TCF7L2: variants seen among roughly 807,000 people sequenced by gnomAD.
TCF7L2 encodes the protein transcription factor 7-like 2.
Under a neutral mutation model 77.9 loss-of-function variants are expected in TCF7L2, and 23 were observed. That is an observed-to-expected ratio of 0.30 (90% confidence interval 0.21 to 0.42). The LOEUF is 0.42. Among genes scored for constraint, TCF7L2 ranks in the 10% least tolerant of loss-of-function variants. TCF7L2 has a pLI of 1.00. For synonymous variants in TCF7L2, 413 were observed against 340.2 expected, an observed-to-expected ratio of 1.21 and a Z score of -2.36; for missense variants, 654 against 793.1, an observed-to-expected ratio of 0.82 and a Z score of 2.11.
chr10:113,153,385 A>G (rs1015258104), intron 11 of TCF7L2, among the ~76,000 whole-genome samples: 2 of 152,222 alleles, frequency 1.3e-5, no homozygotes, highest in African/African-American at 4.8e-5. Context: ...TTAGGGGAAC[A>G]CCAAAACTTG....
At chr10:113,118,961 C>A (rs908514681) in intron 5 of TCF7L2, among the ~76,000 whole-genome samples, 1 of 151,986 alleles carries the variant, frequency 6.6e-6, no homozygotes, top group Non-Finnish European at 1.5e-5. Flanking sequence ...ATAGATTTAC[C>A]CTTGGCTTCA....
In TCF7L2 at chr10:113,057,068, C is replaced by T. The variant is rs537009321; in HGVS notation, c.552+16942C>T. 6.6e-5 allele frequency among the ~76,000 whole-genome samples: 10 copies of T among 152,306 alleles called. No individual in the cohort carries two copies. In the South Asian group the frequency reaches 2.1e-3, roughly 32 times the overall value. On this transcript the variant is annotated intron_variant, in intron 5 of 13. Coordinates refer to ENST00000627217, the MANE Select transcript of TCF7L2 (RefSeq NM_001146274.2). Reference sequence around the variant, plus strand: ...TTTATTTGTTCTTATCCCTTTATGTCACTTGAGGAAAGTTGCTGTGAGTAG... The same window carrying T: ...TTTATTTGTTCTTATCCCTTTATGTTACTTGAGGAAAGTTGCTGTGAGTAG...
rs2047319459 is a variant in TCF7L2, at chr10:113,016,210, A to G, written c.451-23815A>G. ...CTCCTGAGTAGCTGGGATTACAGGC[A>G]CGTGCTACCATGCTTGGCTAGTTTT... On this transcript the variant is annotated intron_variant, in intron 4 of 13. Transcript: ENST00000627217. 2.0e-5 allele frequency among the ~76,000 whole-genome samples: 3 copies of G among 152,076 alleles called. No individual in the cohort carries two copies. In the South Asian group the frequency reaches 6.3e-4, roughly 32 times the overall value.
intron 5 of TCF7L2, among the ~76,000 whole-genome samples, chr10:113,084,790 C>T (rs1313663394): frequency 6.6e-6 from 1 of 151,636 alleles, no homozygotes; most frequent in Non-Finnish European, 1.5e-5. Flanking sequence ...CCCAGCTACT[C>T]GGGAGGCTGT....
intron 8 of TCF7L2, among the ~76,000 whole-genome samples, chr10:113,150,113 A>G (rs1192820972): frequency 6.6e-6 from 1 of 152,240 alleles, no homozygotes; most frequent in Non-Finnish European, 1.5e-5. Context: ...TGTGCCTTAG[A>G]GAACTGTCCA....
At chr10:112,970,841 T>G (rs1486560482) in intron 4 of TCF7L2, among the ~76,000 whole-genome samples, 1 of 152,208 alleles carries the variant, frequency 6.6e-6, no homozygotes, top group African/African-American at 2.4e-5. Flanking sequence ...GGAAACAGGT[T>G]CAGCCCTTGG....
At chr10:113,063,623 TTCTGTTA>T (rs913086194) in intron 5 of TCF7L2, among the ~76,000 whole-genome samples, 4 of 152,048 alleles carry the variant, frequency 2.6e-5, no homozygotes, top group Non-Finnish European at 5.9e-5. Flanking sequence ...ATTAATCTGA[TTCTGTTA>T]TCTGAGGCTG....
At position 112,965,647 on chromosome 10, in the gene TCF7L2, G is replaced by A. The variant is rs879703893; in HGVS notation, c.450+1023G>A. ...TGTGTATATGTGTGTGTGTGTGTGT[G>A]TGTGTGTGTGTGTGTGTGTGTGTGT... On this transcript the variant is annotated intron_variant, in intron 4 of 13. Transcript: ENST00000627217. 3.6e-3 allele frequency among the ~76,000 whole-genome samples: 548 copies of A among 150,914 alleles called. 17 individuals carry two copies. In the East Asian group the frequency reaches 0.089, roughly 25 times the overall value.
At chr10:112,957,819 C>T (rs2034067172) in intron 3 of TCF7L2, among the ~76,000 whole-genome samples, 1 of 152,032 alleles carries the variant, frequency 6.6e-6, no homozygotes, top group African/African-American at 2.4e-5. Flanking sequence ...GAGAGAAGGC[C>T]AGTTGTCCTG....
intron 5 of TCF7L2, among the ~76,000 whole-genome samples, chr10:113,058,792 A>C (rs1013540269): frequency 1.3e-5 from 2 of 152,132 alleles, no homozygotes; most frequent in Admixed American, 1.3e-4. Context: ...ACAGAGTGAC[A>C]GGGTTTGATA....
intron 4 of TCF7L2, among the ~76,000 whole-genome samples, chr10:112,983,120 GTTTT>G (rs1226368633): frequency 1.3e-5 from 2 of 151,276 alleles, no homozygotes; most frequent in East Asian, 3.9e-4. Context: ...CTCTGTTTTT[GTTTT>G]TTGTTTTTTT....
At chr10:113,155,010 G>C (rs1204827409) in intron 11 of TCF7L2, among the ~76,000 whole-genome samples, 1 of 147,700 alleles carries the variant, frequency 6.8e-6, no homozygotes, top group East Asian at 2.0e-4. Flanking sequence ...TAACTAACTT[G>C]ACGTGGGAGT....
intron 4 of TCF7L2, among the ~76,000 whole-genome samples, chr10:113,025,243 A>AGACG: frequency 1.3e-5 from 1 of 79,876 alleles, no homozygotes; most frequent in South Asian, 3.9e-4. Context: ...TTTTTTTTTG[A>AGACG]GACGGAGTCT....
intron 4 of TCF7L2, among the ~76,000 whole-genome samples, chr10:113,006,367 G>A (rs141093054): frequency 1.2e-3 from 182 of 152,308 alleles, no homozygotes; most frequent in African/African-American, 4.3e-3. Context: ...TCAGTGTGAT[G>A]TTCTAGAGCC....
At chr10:112,970,258 T>C (rs1233945986) in intron 4 of TCF7L2, among the ~76,000 whole-genome samples, 1 of 152,004 alleles carries the variant, frequency 6.6e-6, no homozygotes, top group Non-Finnish European at 1.5e-5. Context: ...ATTTTATTTG[T>C]TTACACAGCT....
chr10:113,011,297 A>G (rs970325099), intron 4 of TCF7L2, among the ~76,000 whole-genome samples: 4 of 152,238 alleles, frequency 2.6e-5, no homozygotes, highest in Admixed American at 2.0e-4. Context: ...AGTTCTCAGA[A>G]GGAAAGATGG....
intron 5 of TCF7L2, among the ~76,000 whole-genome samples, chr10:113,089,177 TG>T (rs2060122838): frequency 6.6e-6 from 1 of 152,088 alleles, no homozygotes; most frequent in Admixed American, 6.5e-5. Flanking sequence ...GAAGGCTGCC[TG>T]GAGGAGGTTG....
chr10:113,098,134 C>T (rs1306135545), intron 5 of TCF7L2, among the ~76,000 whole-genome samples: 2 of 151,226 alleles, frequency 1.3e-5, no homozygotes, highest in African/African-American at 4.9e-5. Context: ...CCCTGCCCTT[C>T]TTCCCCATTT....
intron 5 of TCF7L2, among the ~76,000 whole-genome samples, chr10:113,079,416 C>T (rs1270560676): frequency 1.3e-5 from 2 of 152,160 alleles, no homozygotes; most frequent in South Asian, 4.1e-4. Flanking sequence ...CTGATCGCCA[C>T]CCTGCAGGGC....
Sources: gnomAD v4.1 joint callset for allele counts (sites outside exome capture counted in the v4.1 genomes callset) on GRCh38, gnomAD v4.1.1 for gene constraint, MANE v1.5 for transcripts, NCBI Gene and HGNC (gene_info 2026-07-23, HGNC 2026-07-21) for gene names.